AKAP19: variants seen among roughly 807,000 people sequenced by gnomAD.
AKAP19 encodes the protein A-kinase anchoring protein 19.
the AKAP19 span, chr2:190,163,795 T>A: frequency 2.0e-5 from 3 of 152,218 alleles, no homozygotes; most frequent in Non-Finnish European, 4.4e-5. Context: ...AATGACCCAT[T>A]TCCCCATTTT....
chr2:189,937,376 C>G, the AKAP19 span, among the ~76,000 whole-genome samples: 151 of 152,046 alleles, frequency 9.9e-4, 2 homozygotes, highest in South Asian at 0.03. Context: ...ACTCAAGCAG[C>G]CCTGTGGAGA....
the AKAP19 span, among the ~76,000 whole-genome samples, chr2:190,168,972 A>G: frequency 9.8e-5 from 15 of 152,336 alleles, no homozygotes; most frequent in African/African-American, 3.6e-4. Flanking sequence ...ATTTTCAGGT[A>G]TCTTTTCAGC....
chr2:189,943,737 C>G, the AKAP19 span, among the ~76,000 whole-genome samples: 1 of 152,228 alleles, frequency 6.6e-6, no homozygotes, highest in Non-Finnish European at 1.5e-5. Flanking sequence ...GCTCCCAAGG[C>G]CTTTGGAGCC....
chr2:190,175,949 T>A, the AKAP19 span, among the ~76,000 whole-genome samples: 1 of 152,200 alleles, frequency 6.6e-6, no homozygotes, highest in East Asian at 1.9e-4. Flanking sequence ...CGAGGCTTCT[T>A]GTGGCATTTA....
chr2:190,131,761 G>C, the AKAP19 span, among the ~76,000 whole-genome samples: 1 of 152,156 alleles, frequency 6.6e-6, no homozygotes, highest in Non-Finnish European at 1.5e-5. Context: ...GAATTAAACT[G>C]AATTAGAGCT....
the AKAP19 span, among the ~76,000 whole-genome samples, chr2:190,185,011 G>A: frequency 1.8e-4 from 28 of 152,114 alleles, no homozygotes; most frequent in African/African-American, 6.5e-4. Flanking sequence ...AACTTTAAAT[G>A]GCAAAATTTT....
At chr2:190,093,741 G>A in the AKAP19 span, among the ~76,000 whole-genome samples, 8 of 152,180 alleles carry the variant, frequency 5.3e-5, no homozygotes, top group African/African-American at 1.9e-4. Flanking sequence ...CTTCTGCAAT[G>A]TGAAGGTGAA....
chr2:190,180,584 G>T, the AKAP19 span: 54 of 985,730 alleles, frequency 5.5e-5, no homozygotes, highest in Non-Finnish European at 6.4e-5. The surrounding 1 kb of genome is among the most constrained non-coding windows in gnomAD (Gnocchi z 6.8). Flanking sequence ...TGCGGGGGGC[G>T]TGAGGGCGGT....
At chr2:189,972,947 C>T in the AKAP19 span, among the ~76,000 whole-genome samples, 1 of 152,286 alleles carries the variant, frequency 6.6e-6, no homozygotes, top group East Asian at 1.9e-4. Flanking sequence ...ATTTGACTTC[C>T]TCTTTTCCTA....
the AKAP19 span, among the ~76,000 whole-genome samples, chr2:190,163,479 G>A: frequency 1.3e-5 from 2 of 149,674 alleles, no homozygotes; most frequent in South Asian, 4.2e-4. Flanking sequence ...ACTGAGTCTT[G>A]CCCTGTGATT....
At chr2:190,114,260 A>G in the AKAP19 span, among the ~76,000 whole-genome samples, 1 of 152,188 alleles carries the variant, frequency 6.6e-6, no homozygotes, top group African/African-American at 2.4e-5. Flanking sequence ...TCTCATTTAG[A>G]CAATAAGAAA....
the AKAP19 span, among the ~76,000 whole-genome samples, chr2:190,190,598 G>C: frequency 1.2e-4 from 15 of 120,710 alleles, no homozygotes; most frequent in Admixed American, 6.1e-4. Flanking sequence ...CACAGGGTAA[G>C]TGTGTGGTTA....
At chr2:189,941,482 C>T in the AKAP19 span, among the ~76,000 whole-genome samples, 3 of 151,408 alleles carry the variant, frequency 2.0e-5, no homozygotes, top group South Asian at 2.1e-4. Flanking sequence ...GGGAGGGTGG[C>T]GAGAATTTAA....
chr2:190,047,830 G>T, the AKAP19 span, among the ~76,000 whole-genome samples: 1 of 152,168 alleles, frequency 6.6e-6, no homozygotes, highest in Non-Finnish European at 1.5e-5. Flanking sequence ...GAGAAGTTTT[G>T]TGTCTTTTGG....
chr2:190,199,732 A>AT, the AKAP19 span: 1 of 1,494,140 alleles, frequency 6.7e-7, no homozygotes, highest in Non-Finnish European at 8.9e-7. Flanking sequence ...GAAAGGGAAC[A>AT]TTGATTACTG....
chr2:189,892,128 T>C, the AKAP19 span, among the ~76,000 whole-genome samples: 1 of 151,984 alleles, frequency 6.6e-6, no homozygotes, highest in Non-Finnish European at 1.5e-5. Flanking sequence ...AGTTAGCAAT[T>C]CCTATAACCT....
At chr2:190,096,745 G>A in the AKAP19 span, among the ~76,000 whole-genome samples, 1 of 152,114 alleles carries the variant, frequency 6.6e-6, no homozygotes, top group Non-Finnish European at 1.5e-5. Context: ...TGGAGGCTGG[G>A]AAATCCAAGA....
the AKAP19 span, among the ~76,000 whole-genome samples, chr2:190,113,725 C>A: frequency 6.6e-6 from 1 of 152,170 alleles, no homozygotes; most frequent in Non-Finnish European, 1.5e-5. Flanking sequence ...CTGCATGACT[C>A]CTCAGAAGTC....
chr2:190,198,489 T>C, the AKAP19 span, among the ~76,000 whole-genome samples: 1 of 151,862 alleles, frequency 6.6e-6, no homozygotes, highest in Non-Finnish European at 1.5e-5. Flanking sequence ...AAAACTTAGG[T>C]AGGCATGGTG....
Sources: allele counts gnomAD v4.1 joint callset (sites outside exome capture counted in the v4.1 genomes callset), GRCh38; gene constraint gnomAD v4.1.1; non-coding constraint Gnocchi (gnomAD v3.1); transcripts MANE v1.5; gene names NCBI Gene and HGNC (gene_info 2026-07-23, HGNC 2026-07-21).